The following EMCN variants were observed in gnomAD, a reference collection of about 807,000 sequenced individuals.
The protein encoded by EMCN is MUC-14.
A neutral mutation model predicts 38.4 loss-of-function variants in EMCN; 37 were observed. That is an observed-to-expected ratio of 0.96 (90% CI 0.74 to 1.27). The LOEUF (loss-of-function observed/expected upper bound fraction) is 1.27. EMCN is among the 50% of genes most tolerant of loss of function. The pLI is 0.00. For synonymous variants in EMCN, 95 were observed against 100.8 expected (o/e 0.94, Z 0.35); for missense variants, 318 against 302.8 (o/e 1.05, Z -0.37).
chr4:100,494,995 C>G (rs1367423318), intron 1 of EMCN, among the ~76,000 whole-genome samples: 1 of 150,642 alleles, frequency 6.6e-6, no homozygotes, highest in East Asian at 1.9e-4. Flanking sequence ...TTGGTTGTTG[C>G]TAATGTGAAT....
At chr4:100,458,192 T>C (rs1258136449) in intron 4 of EMCN, among the ~76,000 whole-genome samples, 1 of 152,190 alleles carries the variant, frequency 6.6e-6, no homozygotes, top group African/African-American at 2.4e-5. Flanking sequence ...TCTTTAATTT[T>C]TGGTGGAATG....
At chr4:100,461,739 A>C (rs1299093167) in intron 4 of EMCN, among the ~76,000 whole-genome samples, 2 of 152,208 alleles carry the variant, frequency 1.3e-5, no homozygotes, top group Non-Finnish European at 2.9e-5. Flanking sequence ...AACAAATCTC[A>C]CTAACTCTTC....
intron 1 of EMCN, among the ~76,000 whole-genome samples, chr4:100,515,112 T>C (rs1032014516): frequency 6.6e-6 from 1 of 152,178 alleles, no homozygotes; most frequent in East Asian, 1.9e-4. Context: ...AAATGGTGTT[T>C]GTCCCTGTCT....
At chr4:100,403,544 A>G (rs544884969) in intron 11 of EMCN, among the ~76,000 whole-genome samples, 263 of 151,854 alleles carry the variant, frequency 1.7e-3, no homozygotes, top group Non-Finnish European at 2.3e-3. Context: ...CATACATGTC[A>G]TGTGATTTGG....
intron 4 of EMCN, among the ~76,000 whole-genome samples, chr4:100,461,401 A>T (rs1337237384): frequency 6.6e-6 from 1 of 152,098 alleles, no homozygotes; most frequent in Non-Finnish European, 1.5e-5. Context: ...CATCCACTAG[A>T]AGGTAAATTT....
At chr4:100,452,190 G>A (rs1343697767) in intron 4 of EMCN, among the ~76,000 whole-genome samples, 2 of 151,840 alleles carry the variant, frequency 1.3e-5, no homozygotes, top group African/African-American at 4.8e-5. Context: ...TGCGTACTTG[G>A]TTATTATAAA....
At chr4:100,421,172 A>G (rs1399710678) in intron 8 of EMCN, 110 bp downstream of exon 8, 7 of 957,916 alleles carry the variant, frequency 7.3e-6, no homozygotes, top group African/African-American at 1.6e-5. Flanking sequence ...AGGAAATATG[A>G]CATTTCATTT....
intron 4 of EMCN, among the ~76,000 whole-genome samples, chr4:100,458,284 T>G (rs1040968061): frequency 5.3e-5 from 8 of 152,266 alleles, no homozygotes; most frequent in African/African-American, 1.9e-4. Context: ...TTTTTAGGGC[T>G]GTTTTAACTG....
chr4:100,486,807 A>G (rs1242190676), intron 1 of EMCN: 1 of 958,606 alleles, frequency 1.0e-6, no homozygotes, highest in Middle Eastern at 5.3e-4. Flanking sequence ...AGAACCTGAG[A>G]TGTCCTGGCT....
chr4:100,447,326 T>C (rs1727700268), intron 5 of EMCN, among the ~76,000 whole-genome samples: 1 of 152,176 alleles, frequency 6.6e-6, no homozygotes, highest in Non-Finnish European at 1.5e-5. Context: ...CCACTCACCT[T>C]AGTCACAGAA....
intron 1 of EMCN, among the ~76,000 whole-genome samples, chr4:100,488,454 G>T (rs939913299): frequency 6.6e-6 from 1 of 152,140 alleles, no homozygotes; most frequent in African/African-American, 2.4e-5. Flanking sequence ...CCCAGAACTA[G>T]AGAAAATGTT....
intron 4 of EMCN, 114 bp from the exon 5 acceptor site, chr4:100,447,685 C>A: frequency 1.6e-6 from 1 of 612,790 alleles, no homozygotes; most frequent in South Asian, 2.2e-5. Flanking sequence ...ATTTCTGATT[C>A]ACTATTTTCA....
At chr4:100,487,945 C>T (rs1428603640) in intron 1 of EMCN, among the ~76,000 whole-genome samples, 1 of 152,156 alleles carries the variant, frequency 6.6e-6, no homozygotes, top group Non-Finnish European at 1.5e-5. Context: ...TACTGGCTCT[C>T]CTGAGCATTT....
At position 100,517,744 on chromosome 4, in the gene EMCN, T is replaced by C. The variant is rs780382390; in HGVS notation, c.64+107A>G. ...CCAAACACTCAACTCATCAAAGGAA[T>C]TGCTGCATCTAAGTGTCAGGGGAAG... On this transcript the variant is annotated intron_variant, in intron 1 of 11. Transcript: ENST00000296420. 32 of 988,818 alleles carry C rather than the reference T, an allele frequency of 3.2e-5. No individual in the cohort carries two copies. In the East Asian group the frequency reaches 6.7e-4, roughly 21 times the overall value. The allele number at this position is 988,818 out of a possible 1,614,324, so 61.3% of individuals were successfully genotyped here.
intron 5 of EMCN, chr4:100,446,290 TA>T (rs1446704538): frequency 1.1e-5 from 8 of 753,036 alleles, no homozygotes; most frequent in African/African-American, 1.9e-5. Context: ...ATTAATGAAT[TA>T]AAAAAATGGT....
intron 1 of EMCN, among the ~76,000 whole-genome samples, chr4:100,495,176 A>AT (rs1729179670): frequency 6.6e-6 from 1 of 152,036 alleles, no homozygotes; most frequent in African/African-American, 2.4e-5. Context: ...AACATATTTT[A>AT]TATTAAAGGG....
At chr4:100,508,625 A>G (rs530529607) in intron 1 of EMCN, among the ~76,000 whole-genome samples, 1 of 152,336 alleles carries the variant, frequency 6.6e-6, no homozygotes, top group African/African-American at 2.4e-5. Context: ...AAGGCAAACT[A>G]TGTAATCAAA....
intron 7 of EMCN, 34 bp downstream of exon 7, chr4:100,422,987 T>A (rs771001270): frequency 6.2e-7 from 1 of 1,601,734 alleles, no homozygotes; most frequent in East Asian, 2.2e-5. Flanking sequence ...TCTGCATATC[T>A]ACTGCCATGA....
At chr4:100,403,265 G>A (rs1369800539) in intron 11 of EMCN, among the ~76,000 whole-genome samples, 1 of 151,976 alleles carries the variant, frequency 6.6e-6, no homozygotes, top group Non-Finnish European at 1.5e-5. Flanking sequence ...TTAGTGCTTG[G>A]CACCCCCTTA....
Sources: allele counts gnomAD v4.1 joint callset (sites outside exome capture counted in the v4.1 genomes callset), GRCh38; gene constraint gnomAD v4.1.1; transcripts MANE v1.5; gene names NCBI Gene and HGNC (gene_info 2026-07-23, HGNC 2026-07-21).